TENM1: variants seen among roughly 807,000 people sequenced by gnomAD.
The protein encoded by TENM1 is teneurin-1.
Under a neutral mutation model 174.8 loss-of-function variants are expected in TENM1, and 35 were observed. The observed-to-expected ratio is 0.20, with a 90% confidence interval of 0.15 to 0.27. The LOEUF is 0.27. Among genes scored for constraint, TENM1 ranks in the 10% least tolerant of loss-of-function variants. The pLI, the probability that TENM1 is intolerant of heterozygous loss-of-function variation, is 1.00. For synonymous variants in TENM1, 781 were observed against 798.7 expected, an observed-to-expected ratio of 0.98 and a Z score of 0.37; for missense variants, 1,633 against 2,130.1, an observed-to-expected ratio of 0.77 and a Z score of 4.59.
chrX:125,185,827 G>A, the TENM1 span, among the ~76,000 whole-genome samples: 2 of 112,088 alleles, frequency 1.8e-5, no homozygotes, highest in Non-Finnish European at 3.8e-5. Flanking sequence ...TGGAGATGAG[G>A]GTTGTGAATA....
At chrX:125,047,711 T>C in the TENM1 span, among the ~76,000 whole-genome samples, 1 of 111,595 alleles carries the variant, frequency 9.0e-6, no homozygotes, top group Admixed American at 9.5e-5. Context: ...AATACGTAAT[T>C]TGGTGCATAG....
exon 9 of TENM1, chrX:124,646,807 A>G (rs1332564281): frequency 8.8e-7 from 1 of 1,138,298 alleles, no homozygotes; most frequent in African/African-American, 1.8e-5. Flanking sequence ...GTCATCCATT[A>G]TTTCTAGTAA....
chrX:124,567,239 A>G (rs2048961588), intron 11 of TENM1, among the ~76,000 whole-genome samples: 1 of 111,654 alleles, frequency 9.0e-6, no homozygotes, highest in African/African-American at 3.3e-5. Context: ...ATTGGCCATC[A>G]TTAGCATATA....
exon 32 of TENM1, chrX:124,379,810 C>T (rs2060137255): frequency 9.0e-6 from 1 of 111,731 alleles, no homozygotes; most frequent in Admixed American, 9.5e-5. Context: ...TGAGTCAAAA[C>T]AGGTCGTGTG....
chrX:125,089,012 C>T, the TENM1 span, among the ~76,000 whole-genome samples: 1 of 111,181 alleles, frequency 9.0e-6, no homozygotes, highest in Admixed American at 9.6e-5. Context: ...AGACCACTTA[C>T]TTTAGTTCAT....
intron 11 of TENM1, among the ~76,000 whole-genome samples, chrX:124,582,130 C>T (rs891147830): frequency 9.0e-6 from 1 of 111,582 alleles, no homozygotes; most frequent in Non-Finnish European, 1.9e-5. Context: ...TAAGAACATG[C>T]AGTATTTGGT....
intron 27 of TENM1, among the ~76,000 whole-genome samples, chrX:124,403,619 T>C (rs976505855): frequency 4.5e-5 from 5 of 111,303 alleles, no homozygotes; most frequent in African/African-American, 1.3e-4. Context: ...CTCTCTGGAA[T>C]TGGGTGGTTG....
the TENM1 span, among the ~76,000 whole-genome samples, chrX:125,055,835 G>A: frequency 9.0e-6 from 1 of 111,675 alleles, no homozygotes; most frequent in Non-Finnish European, 1.9e-5. Flanking sequence ...AATTGTTGAA[G>A]GAAATATGCA....
chrX:124,511,427 G>C (rs954335065), intron 18 of TENM1, among the ~76,000 whole-genome samples: 2 of 111,419 alleles, frequency 1.8e-5, no homozygotes, highest in Non-Finnish European at 3.8e-5. Flanking sequence ...AACCACTGGG[G>C]CATTGAATTG....
intron 1 of TENM1, among the ~76,000 whole-genome samples, chrX:124,938,856 C>A (rs1046178980): frequency 9.0e-6 from 1 of 111,424 alleles, no homozygotes; most frequent in Non-Finnish European, 1.9e-5. Context: ...GTTGTATGCA[C>A]AATAAATCAC....
the TENM1 span, among the ~76,000 whole-genome samples, chrX:125,071,839 T>C: frequency 9.0e-6 from 1 of 111,155 alleles, no homozygotes; most frequent in Non-Finnish European, 1.9e-5. Context: ...TTCAAAAAGT[T>C]TCAAACTCTA....
chrX:124,443,034 C>A (rs2060921561), intron 23 of TENM1, among the ~76,000 whole-genome samples: 1 of 78,018 alleles, frequency 1.3e-5, no homozygotes, highest in Non-Finnish European at 2.4e-5. Flanking sequence ...CTTTTCATGC[C>A]TGGATGACTA....
intron 12 of TENM1, among the ~76,000 whole-genome samples, chrX:124,564,741 A>G (rs377761912): frequency 3.6e-5 from 4 of 112,148 alleles, no homozygotes; most frequent in Admixed American, 2.8e-4. Context: ...AGATCACATG[A>G]TAAATTAATT....
At chrX:124,545,351 G>A (rs1007003042) in intron 15 of TENM1, among the ~76,000 whole-genome samples, 5 of 111,906 alleles carry the variant, frequency 4.5e-5, no homozygotes, top group African/African-American at 1.6e-4. Context: ...TAAACCGCAG[G>A]GATTTAAGTT....
the TENM1 span, among the ~76,000 whole-genome samples, chrX:125,104,549 A>G: frequency 9.0e-6 from 1 of 111,525 alleles, no homozygotes; most frequent in East Asian, 2.8e-4. Context: ...TCTACTCTTT[A>G]TTAATAAGAG....
chrX:125,193,385 G>T, the TENM1 span, among the ~76,000 whole-genome samples: 1 of 111,956 alleles, frequency 8.9e-6, no homozygotes, highest in Non-Finnish European at 1.9e-5. Flanking sequence ...TGTAGGTATT[G>T]TATTAGATTT....
At chrX:125,087,425 G>A in the TENM1 span, among the ~76,000 whole-genome samples, 37 of 110,721 alleles carry the variant, frequency 3.3e-4, no homozygotes, top group Non-Finnish European at 1.9e-5. Flanking sequence ...CTAAACTTTG[G>A]GGACAACCAA....
intron 4 of TENM1, among the ~76,000 whole-genome samples, chrX:124,705,727 T>C (rs1401962060): frequency 8.9e-6 from 1 of 112,239 alleles, no homozygotes; most frequent in Admixed American, 9.4e-5. Flanking sequence ...AATTATCAAA[T>C]ATACAGCCAA....
intron 27 of TENM1, among the ~76,000 whole-genome samples, chrX:124,402,805 G>A (rs138665980): frequency 1.4e-3 from 154 of 110,782 alleles, no homozygotes; most frequent in African/African-American, 4.0e-3. Context: ...CCATGAGGTC[G>A]ATAAGCCATA....
Sources: gnomAD v4.1 joint callset for allele counts (sites outside exome capture counted in the v4.1 genomes callset) on GRCh38, gnomAD v4.1.1 for gene constraint, MANE v1.5 for transcripts, NCBI Gene and HGNC (gene_info 2026-07-23, HGNC 2026-07-21) for gene names.